Variants in PIAS1 observed in about 807,000 individuals in gnomAD.
PIAS1 encodes E3 SUMO-protein ligase PIAS1.
A neutral mutation model predicts 71.3 loss-of-function variants in PIAS1; 6 were observed. The ratio of observed to expected loss-of-function variants is 0.08; its 90% CI spans 0.05 to 0.17. The LOEUF (loss-of-function observed/expected upper bound fraction) is 0.17, where lower values mean the gene tolerates loss of function less well. Among genes scored for constraint, PIAS1 ranks in the 10% least tolerant of loss-of-function variants. The pLI is 1.00. For synonymous variants in PIAS1, 303 were observed against 292.9 expected (o/e 1.03, Z -0.35); for missense variants, 555 against 793.6 (o/e 0.70, Z 3.61).
intron 2 of PIAS1, among the ~76,000 whole-genome samples, chr15:68,116,057 C>T (rs535535399): frequency 6.6e-6 from 1 of 151,916 alleles, no homozygotes; most frequent in South Asian, 2.1e-4. Context: ...ATGAGTTAAG[C>T]ATTTCTTTCT....
intron 1 of PIAS1, among the ~76,000 whole-genome samples, chr15:68,081,509 C>G (rs2092228356): frequency 6.6e-6 from 1 of 151,996 alleles, no homozygotes; most frequent in African/African-American, 2.4e-5. Flanking sequence ...AGGCAGATAC[C>G]AGTGTAGGGA....
rs74576220 is a variant in PIAS1 at position 68,097,412 on chromosome 15, A to G, written c.469+10662A>G. 1.5e-4 allele frequency among the ~76,000 whole-genome samples: 23 copies of G among 152,102 alleles called. No homozygotes were observed. In the East Asian group the frequency reaches 4.2e-3, roughly 28 times the overall value. ...TGTTGAGTTTTTTAATTATAAAAGCATGTTGTAATTAATTAATTAATTTAT... is the reference window on the plus strand; with the variant it reads ...TGTTGAGTTTTTTAATTATAAAAGCGTGTTGTAATTAATTAATTAATTTAT... On this transcript the variant is annotated intron_variant, in intron 2 of 13. Coordinates refer to ENST00000249636, the MANE Select transcript of PIAS1 (RefSeq NM_016166.3).
intron 7 of PIAS1, among the ~76,000 whole-genome samples, chr15:68,158,250 AT>A (rs1347285903): frequency 5.3e-5 from 8 of 152,054 alleles, no homozygotes; most frequent in Non-Finnish European, 8.8e-5. Context: ...GCACCTGCTT[AT>A]TACTTTCCAG....
At chr15:68,114,065 T>C (rs984859161) in intron 2 of PIAS1, among the ~76,000 whole-genome samples, 99 of 147,272 alleles carry the variant, frequency 6.7e-4, no homozygotes, top group Non-Finnish European at 1.2e-3. Context: ...CACACACTTA[T>C]ATACATGTAT....
chr15:68,171,905 T>C lies in PIAS1; in HGVS notation c.1009-1827T>C, dbSNP rs1462193413. On this transcript the variant is annotated intron_variant, in intron 8 of 13. Transcript: ENST00000249636. The surrounding 1 kb of genome is among the most constrained non-coding windows in gnomAD (Gnocchi z 4.4). ...CAAGCCTTTATATTTTTCTTTCATATATATTTTTTTCTTTTATATGTTTTA... is the reference window on the plus strand; with the variant it reads ...CAAGCCTTTATATTTTTCTTTCATACATATTTTTTTCTTTTATATGTTTTA... 6.6e-6 allele frequency among the ~76,000 whole-genome samples: 1 copy of C among 151,540 alleles called. No individual in the cohort carries two copies. The highest frequency in any genetic ancestry group is 1.5e-5 in the Non-Finnish European group (1 of 67,918).
intron 1 of PIAS1, among the ~76,000 whole-genome samples, chr15:68,071,254 G>A: frequency 9.9e-6 from 1 of 100,586 alleles, no homozygotes; most frequent in South Asian, 4.6e-4. Flanking sequence ...CTAACCCCAG[G>A]GAGTTTGCTT....
chr15:68,142,941 A>T (rs757787290), intron 4 of PIAS1, among the ~76,000 whole-genome samples: 7 of 152,126 alleles, frequency 4.6e-5, no homozygotes, highest in Non-Finnish European at 4.4e-5. Flanking sequence ...ATGTTCAAAG[A>T]CTAATGGGAA....
At chr15:68,064,413 T>A (rs2091994220) in intron 1 of PIAS1, among the ~76,000 whole-genome samples, 1 of 152,238 alleles carries the variant, frequency 6.6e-6, no homozygotes, top group Non-Finnish European at 1.5e-5. Flanking sequence ...ATGTCAACAT[T>A]TGGAAGAACT....
At chr15:68,071,708 T>C (rs1322275822) in intron 1 of PIAS1, among the ~76,000 whole-genome samples, 1 of 150,040 alleles carries the variant, frequency 6.7e-6, no homozygotes, top group Non-Finnish European at 1.5e-5. Flanking sequence ...CTCACACCTG[T>C]AATCCCAGCA....
rs941916749 is a variant in PIAS1 at position 68,167,904 on chromosome 15, A to G, written c.1008+3100A>G. 2.2e-4 allele frequency among the ~76,000 whole-genome samples: 33 copies of G among 152,044 alleles called. No homozygotes were observed. The highest frequency in any genetic ancestry group is 7.4e-5 in the Non-Finnish European group (5 of 68,006). Reference sequence around the variant, plus strand: ...GTATTTTTAGTAGAGATGGGGTTTCACCATGTTGGCCAGGCTGGTCTCAAA... The same window carrying G: ...GTATTTTTAGTAGAGATGGGGTTTCGCCATGTTGGCCAGGCTGGTCTCAAA... On this transcript the variant is annotated intron_variant, in intron 8 of 13. Coordinates refer to ENST00000249636, the MANE Select transcript of PIAS1 (RefSeq NM_016166.3). The surrounding 1 kb of genome is among the most constrained non-coding windows in gnomAD (Gnocchi z 4.4).
chr15:68,086,463 A>G lies in PIAS1; in HGVS notation c.182A>G (p.Tyr61Cys). The G allele has an allele frequency of 1.9e-6, 3 of 1,613,942 alleles. No individual in the cohort carries two copies. Among genetic ancestry groups the G allele is most frequent in the Non-Finnish European group, 2.5e-6 (3 of 1,179,868 alleles). The change falls in exon 2 of 14, where the codon TAT becomes TGT. Residue 61 changes from tyrosine (Y) to cysteine (C), a missense_variant. Tyr to Cys is a radical substitution (Grantham distance 194). Coordinates refer to ENST00000249636, the MANE Select transcript of PIAS1 (RefSeq NM_016166.3). The surrounding 1 kb of genome is among the most constrained non-coding windows in gnomAD (Gnocchi z 7.2). ...PAVQMKIKEL[Y>C]RRRFPQKIMT... ...GTGCAAATGAAAATTAAGGAACTCT[A>G]TAGGCGGCGGTTCCCACAGAAAATC... is the stretch of plus-strand genomic sequence containing the variant.
At chr15:68,077,881 T>A (rs2140973269) in intron 1 of PIAS1, among the ~76,000 whole-genome samples, 1 of 152,322 alleles carries the variant, frequency 6.6e-6, no homozygotes, top group South Asian at 2.1e-4. Context: ...ATCTCTATAC[T>A]AGGACCCAGA....
At chr15:68,069,230 T>C (rs978561575) in intron 1 of PIAS1, among the ~76,000 whole-genome samples, 4 of 152,176 alleles carry the variant, frequency 2.6e-5, no homozygotes, top group Non-Finnish European at 5.9e-5. Flanking sequence ...TAAAAAACTC[T>C]TAGTAAAACA....
At chr15:68,157,664 A>G (rs968096318) in intron 7 of PIAS1, among the ~76,000 whole-genome samples, 3 of 152,246 alleles carry the variant, frequency 2.0e-5, no homozygotes, top group Middle Eastern at 3.4e-3. Flanking sequence ...CCTGCCTTCA[A>G]TGGATTCTCT....
chr15:68,103,590 C>T (rs1238583948), intron 2 of PIAS1, among the ~76,000 whole-genome samples: 1 of 152,180 alleles, frequency 6.6e-6, no homozygotes, highest in Non-Finnish European at 1.5e-5. Context: ...AAGAGCCTCT[C>T]TACCCATTAT....
chr15:68,080,575 G>A (rs1373676876), intron 1 of PIAS1, among the ~76,000 whole-genome samples: 1 of 152,216 alleles, frequency 6.6e-6, no homozygotes, highest in African/African-American at 2.4e-5. Context: ...TTGACAGATT[G>A]CTAATAGCTG....
chr15:68,070,536 T>G (rs890814443), intron 1 of PIAS1, among the ~76,000 whole-genome samples: 2 of 152,126 alleles, frequency 1.3e-5, no homozygotes, highest in Non-Finnish European at 2.9e-5. Context: ...CTTCAGTGAA[T>G]GACAGGATGA....
chr15:68,153,598 C>T lies in PIAS1; in HGVS notation c.837C>T (p.Ser279=). 1 of 1,504,546 alleles carries T rather than the reference C, an allele frequency of 6.6e-7. No individual in the cohort carries two copies. The highest frequency in any genetic ancestry group is 1.4e-5 in the African/African-American group (1 of 72,422). The allele number at this position is 1,504,546 out of a possible 1,614,324, so 93.2% of individuals were successfully genotyped here. The change falls in exon 7 of 14, where the codon TCC becomes TCT. Residue 279 remains serine (S), a synonymous_variant. Coordinates refer to ENST00000249636, the MANE Select transcript of PIAS1 (RefSeq NM_016166.3). ...SWTAEIGRNY[S]MAVYLVKQLS... is the part of the protein sequence containing the mutation. The stretch of plus-strand genomic sequence containing the variant: ...CTTCTTTTTTTTTCCAGAACTATTC[C>T]ATGGCAGTATATCTTGTAAAACAGT...
chr15:68,070,238 A>G (rs1053135642), intron 1 of PIAS1, among the ~76,000 whole-genome samples: 20 of 152,222 alleles, frequency 1.3e-4, no homozygotes, highest in African/African-American at 4.8e-4. Flanking sequence ...TGTGCCAGGC[A>G]TGGAGGGACA....
Sources: allele counts gnomAD v4.1 joint callset (sites outside exome capture counted in the v4.1 genomes callset), GRCh38; gene constraint gnomAD v4.1.1; non-coding constraint Gnocchi (gnomAD v3.1); transcripts MANE v1.5; gene names NCBI Gene and HGNC (gene_info 2026-07-23, HGNC 2026-07-21).